APOBEC3G: variants seen among roughly 807,000 people sequenced by gnomAD.
APOBEC3G encodes the protein DNA dC->dU-editing enzyme APOBEC-3G.
APOBEC3G carries 44 observed loss-of-function variants against 50.0 expected under a neutral mutation model. That is an observed-to-expected ratio of 0.88 (90% CI 0.69 to 1.13). The LOEUF (loss-of-function observed/expected upper bound fraction) is 1.13, where lower values mean the gene tolerates loss of function less well. Ranked by LOEUF, APOBEC3G falls within the 50% of genes most tolerant of loss-of-function variation. The pLI, the probability that APOBEC3G is intolerant of heterozygous loss-of-function variation, is 0.00. For missense variants in APOBEC3G, 469 were observed against 492.0 expected, an observed-to-expected ratio of 0.95 and a Z score of 0.44; for synonymous variants, 156 against 175.3, an observed-to-expected ratio of 0.89 and a Z score of 0.87.
intron 1 of APOBEC3G, chr22:39,078,694 A>G: frequency 1.9e-6 from 1 of 514,584 alleles, no homozygotes; most frequent in Admixed American, 3.6e-5. Context: ...TTTTGGGGTG[A>G]AGAGTTTTAT....
intron 7 of APOBEC3G, 88 bp downstream of exon 7, chr22:39,087,214 C>T: frequency 6.2e-7 from 1 of 1,606,276 alleles, no homozygotes; most frequent in South Asian, 1.1e-5. Context: ...CTGCTCAGAG[C>T]CTCCTCTGGG....
chr22:39,084,875 C>T (rs1237054799), intron 5 of APOBEC3G, among the ~76,000 whole-genome samples: 2 of 152,262 alleles, frequency 1.3e-5, no homozygotes, highest in Non-Finnish European at 2.9e-5. Flanking sequence ...TTGCCCAGCA[C>T]AGCCCCTGGC....
chr22:39,082,792 CTGTG>C (rs986832901), intron 4 of APOBEC3G: 1 of 152,284 alleles, frequency 6.6e-6, no homozygotes, highest in Non-Finnish European at 1.5e-5. Flanking sequence ...GGTTCCTGTC[CTGTG>C]TGTCTGTTTC....
At chr22:39,084,399 C>T (rs1385845222) in intron 5 of APOBEC3G, among the ~76,000 whole-genome samples, 7 of 152,216 alleles carry the variant, frequency 4.6e-5, no homozygotes, top group South Asian at 4.1e-4. Flanking sequence ...TGGTGGCAGG[C>T]GCCTGTAGTC....
In APOBEC3G at chr22:39,081,010, C is replaced by T. The variant is rs1928419497; in HGVS notation, c.249C>T (p.Asp83=). ...GCAAGTGGAGGAAGCTGCATCGTGA[C>T]CAGGAGTATGAGGTCACCTGGTACA... ...WFSKWRKLHR[D]QEYEVTWYIS... is the part of the protein sequence containing the mutation. The change falls in exon 3 of 8, where the codon GAC becomes GAT. Residue 83 remains aspartate, a synonymous_variant. Coordinates refer to ENST00000407997, the MANE Select transcript of APOBEC3G (RefSeq NM_021822.4). 1 of 1,614,002 alleles carries T rather than the reference C, an allele frequency of 6.2e-7. No homozygotes were observed. Among genetic ancestry groups the T allele is most frequent in the African/African-American group, 1.3e-5 (1 of 74,892 alleles).
chr22:39,085,961 G>A (rs762122800), intron 5 of APOBEC3G, among the ~76,000 whole-genome samples: 1 of 152,068 alleles, frequency 6.6e-6, no homozygotes, highest in Non-Finnish European at 1.5e-5. Flanking sequence ...ATTTTGTGCT[G>A]GAGGCTGCCC....
chr22:39,077,476 C>T, intron 1 of APOBEC3G, 98 bp downstream of exon 1: 1 of 1,541,680 alleles, frequency 6.5e-7, no homozygotes, highest in Non-Finnish European at 8.8e-7. Context: ...GCCCCAGCCC[C>T]AGCCCTGGGC....
intron 1 of APOBEC3G, 68 bp downstream of exon 1, chr22:39,077,446 G>GC (rs925893989): frequency 6.4e-7 from 1 of 1,555,856 alleles, no homozygotes; most frequent in African/African-American, 1.4e-5. Flanking sequence ...TCTGCTGGGC[G>GC]TCAGCCCTGG....
rs910569055 is a variant in APOBEC3G at position 39,086,630 on chromosome 22, A to G, written c.1024+63A>G. 4.7e-5 allele frequency: 71 copies of G among 1,526,112 alleles called. No individual in the cohort carries two copies. The African/African-American group carries it at 8.0e-4, about 17-fold the overall frequency. The allele number at this position is 1,526,112 out of a possible 1,614,324, so 94.5% of individuals were successfully genotyped here. On this transcript the variant is annotated intron_variant, in intron 6 of 7. Transcript: ENST00000407997. ...GGGCAGGAGAGGGCCCCGGGAAGTT[A>G]CTAGAAAGTGGGGAGGGTCGGCATC... is the stretch of plus-strand genomic sequence containing the variant.
At chr22:39,079,133 G>A (rs1928313390) in intron 2 of APOBEC3G, 48 bp downstream of exon 2, 5 of 1,601,932 alleles carry the variant, frequency 3.1e-6, no homozygotes, top group Non-Finnish European at 4.3e-6. Flanking sequence ...TAAGCCAGCT[G>A]GGAAAGCAAA....
intron 2 of APOBEC3G, chr22:39,079,322 CTTTTTTT>C (rs904908925): frequency 5.6e-5 from 24 of 427,742 alleles, no homozygotes; most frequent in Non-Finnish European, 8.7e-5. Context: ...TTTCTTTTTT[CTTTTTTT>C]TTTTTGAGAC....
chr22:39,087,348 C>T (rs1928741532), intron 7 of APOBEC3G, 59 bp from the exon 8 acceptor site: 2 of 1,612,746 alleles, frequency 1.2e-6, no homozygotes, highest in Admixed American at 1.7e-5. Flanking sequence ...AGGCCTCCAC[C>T]ATATGCCTAC....
chr22:39,083,939 C>T, intron 5 of APOBEC3G, 55 bp downstream of exon 5: 1 of 1,586,920 alleles, frequency 6.3e-7, no homozygotes, highest in Non-Finnish European at 8.6e-7. Context: ...CAGGGACACC[C>T]ATGGGCAGAA....
rs749035011 is a variant in APOBEC3G, at chr22:39,086,289, AAC to A, written c.749_750del (p.His250ArgfsTer4). On this transcript the variant is annotated frameshift_variant, in exon 6 of 8. Transcript: ENST00000407997. LOFTEE classifies it high-confidence loss of function. ...TGCTTTCTTTTCTAGGCTCCACATAAACACGGTTTCCTTGAAGGCCGCCATGC... is the reference window on the plus strand; with the variant it reads ...TGCTTTCTTTTCTAGGCTCCACATAAACGGTTTCCTTGAAGGCCGCCATGC... 7 of 1,581,982 alleles carry A rather than the reference AAC, an allele frequency of 4.4e-6. No individual in the cohort carries two copies. In the African/African-American group the frequency reaches 9.5e-5, roughly 22 times the overall value.
chr22:39,083,595 G>A lies in APOBEC3G; in HGVS notation c.582-136G>A, dbSNP rs554035017. 268 of 1,035,942 alleles carry A rather than the reference G, an allele frequency of 2.6e-4. 1 individual carries two copies. In the African/African-American group the frequency reaches 3.8e-3, roughly 15 times the overall value. 64.2% of individuals were successfully genotyped at this position (1,035,942 alleles called of 1,614,324 possible). A position where few individuals can be genotyped will look rare whatever the true frequency, so the allele number is the denominator to read the frequency against. On this transcript the variant is annotated intron_variant, in intron 4 of 7. Coordinates refer to ENST00000407997, the MANE Select transcript of APOBEC3G (RefSeq NM_021822.4). ...TAGCAAGTGAGTGGGAGCCCCTTCT[G>A]ACAGGTGCTAAGGGATGTGGGGAGC...
intron 1 of APOBEC3G, 77 bp downstream of exon 1, chr22:39,077,455 G>A: frequency 1.9e-6 from 3 of 1,553,716 alleles, no homozygotes; most frequent in Admixed American, 2.0e-5. Flanking sequence ...CGTCAGCCCT[G>A]GCCTTCCCCT....
At chr22:39,078,625 A>G (rs148651770) in intron 1 of APOBEC3G, 68 of 276,790 alleles carry the variant, frequency 2.5e-4, no homozygotes, top group South Asian at 1.2e-3. Flanking sequence ...ATTTAACAAT[A>G]ATAATATACA....
At chr22:39,086,744 G>A (rs1160345887) in intron 6 of APOBEC3G, among the ~76,000 whole-genome samples, 177 bp downstream of exon 6, 1 of 152,156 alleles carries the variant, frequency 6.6e-6, no homozygotes, top group Non-Finnish European at 1.5e-5. Flanking sequence ...AGAGAGGCCA[G>A]GCCAGGAGAT....
chr22:39,078,717 T>A, intron 1 of APOBEC3G: 2 of 590,458 alleles, frequency 3.4e-6, no homozygotes, highest in Non-Finnish European at 5.7e-6. Context: ...TGTCTCTCTC[T>A]CTCTTTTTTT....
Sources: gnomAD v4.1 joint callset for allele counts (sites outside exome capture counted in the v4.1 genomes callset) on GRCh38, gnomAD v4.1.1 for gene constraint, MANE v1.5 for transcripts, NCBI Gene and HGNC (gene_info 2026-07-23, HGNC 2026-07-21) for gene names.